Variants in ZNF536 observed in about 807,000 individuals in gnomAD.
ZNF536 encodes the protein zinc finger protein 536.
A neutral mutation model predicts 84.5 loss-of-function variants in ZNF536; 13 were observed. That is an observed-to-expected ratio of 0.15 (90% CI 0.10 to 0.24). The LOEUF is 0.24. Ranked by LOEUF, ZNF536 falls within the 10% of genes least tolerant of loss-of-function variation. The pLI, the probability that ZNF536 is intolerant of heterozygous loss-of-function variation, is 1.00. For synonymous variants in ZNF536, 811 were observed against 742.5 expected (o/e 1.09, Z -1.50); for missense variants, 1,536 against 1,747.5 (o/e 0.88, Z 2.16).
chr19:30,601,676 G>A (rs1017330868), intron 1 of ZNF536, among the ~76,000 whole-genome samples: 14 of 152,142 alleles, frequency 9.2e-5, no homozygotes, highest in African/African-American at 2.9e-4. Context: ...TGGGCAGCTC[G>A]TTCTCAGACC....
chr19:30,315,739 A>G (rs1306256076), intron 2 of ZNF536, among the ~76,000 whole-genome samples: 1 of 152,128 alleles, frequency 6.6e-6, no homozygotes, highest in East Asian at 1.9e-4. Flanking sequence ...AATTCCTATA[A>G]TGCATTTTGG....
chr19:30,582,718 G>A (rs750482483), intron 1 of ZNF536, among the ~76,000 whole-genome samples: 1 of 152,134 alleles, frequency 6.6e-6, no homozygotes, highest in East Asian at 1.9e-4. Context: ...AAGGTGAAAG[G>A]CACGTCTTAC....
chr19:30,284,889 T>A (rs575893405), intron 2 of ZNF536, among the ~76,000 whole-genome samples: 1 of 152,372 alleles, frequency 6.6e-6, no homozygotes, highest in African/African-American at 2.4e-5. Flanking sequence ...TTATTGTGAC[T>A]TTATCTTGCT....
chr19:30,445,509 C>T lies in ZNF536; in HGVS notation c.1947C>T (p.His649=), dbSNP rs1214538893. 1 of 1,614,042 alleles carries T rather than the reference C, an allele frequency of 6.2e-7. No homozygotes were observed. The highest frequency in any genetic ancestry group is 1.7e-5 in the Admixed American group (1 of 60,030). Residue 649 remains histidine, a synonymous_variant, in exon 2 of 5, where the codon CAC becomes CAT. Coordinates refer to ENST00000355537, the MANE Select transcript of ZNF536 (RefSeq NM_014717.3). The surrounding 1 kb of genome is among the most constrained non-coding windows in gnomAD (Gnocchi z 4.5). ...GCACTTACCACCAGGTGGTCGTGCA[C>T]TCCCGTGTCCACAAGCGGGACCGCA... ...VFRTYHQVVV[H]SRVHKRDRKG...
At chr19:30,563,979 AG>A (rs1473628084) in intron 1 of ZNF536, among the ~76,000 whole-genome samples, 1 of 152,172 alleles carries the variant, frequency 6.6e-6, no homozygotes, top group African/African-American at 2.4e-5. Context: ...GCCTAGCCCC[AG>A]GGGCCTGGGA....
At chr19:30,650,214 C>A (rs2049644815) in intron 1 of ZNF536, among the ~76,000 whole-genome samples, 1 of 152,208 alleles carries the variant, frequency 6.6e-6, no homozygotes, top group South Asian at 2.1e-4. Context: ...TGCGAAAATA[C>A]TTCAAAGGGA....
chr19:30,385,271 C>G (rs1308403563), intron 1 of ZNF536, among the ~76,000 whole-genome samples: 3 of 152,070 alleles, frequency 2.0e-5, no homozygotes, highest in Non-Finnish European at 4.4e-5. Context: ...TAGCAACCGC[C>G]CAGAGACTGA....
intron 1 of ZNF536, among the ~76,000 whole-genome samples, chr19:30,672,044 C>T (rs1156447805): frequency 1.3e-5 from 2 of 152,250 alleles, no homozygotes; most frequent in African/African-American, 4.8e-5. Flanking sequence ...TGGGGCCGTC[C>T]AGGCCTTCAC....
intron 1 of ZNF536, among the ~76,000 whole-genome samples, chr19:30,431,405 G>A (rs1439549584): frequency 1.3e-5 from 2 of 152,186 alleles, no homozygotes; most frequent in Non-Finnish European, 2.9e-5. Context: ...CAGGGGACCC[G>A]ATGGAGTGCC....
intron 1 of ZNF536, among the ~76,000 whole-genome samples, chr19:30,692,564 C>T (rs2051455563): frequency 6.6e-6 from 1 of 152,184 alleles, no homozygotes; most frequent in African/African-American, 2.4e-5. Context: ...TTCCTCTTTG[C>T]CTTTACTGTT....
chr19:30,560,669 T>C (rs1329917009), downstream of ZNF536, among the ~76,000 whole-genome samples: 3 of 152,218 alleles, frequency 2.0e-5, no homozygotes, highest in African/African-American at 4.8e-5. Flanking sequence ...GCAGAGTGCC[T>C]TGCAGTAAGA....
At chr19:30,293,017 A>AT (rs1192771914) in intron 2 of ZNF536, among the ~76,000 whole-genome samples, 1 of 152,172 alleles carries the variant, frequency 6.6e-6, no homozygotes, top group Non-Finnish European at 1.5e-5. Context: ...CTGTTGATTG[A>AT]TTCCTTCTCC....
At chr19:30,569,717 T>C (rs1340266558) in intron 1 of ZNF536, among the ~76,000 whole-genome samples, 1 of 151,752 alleles carries the variant, frequency 6.6e-6, no homozygotes, top group Admixed American at 6.6e-5. Flanking sequence ...ATTGCAGGCA[T>C]GCACCACCAC....
At chr19:30,679,661 A>T (rs2050890286) in intron 1 of ZNF536, among the ~76,000 whole-genome samples, 1 of 152,154 alleles carries the variant, frequency 6.6e-6, no homozygotes, top group Non-Finnish European at 1.5e-5. Flanking sequence ...ACCCAGCAGG[A>T]AGGTCAAAGG....
At chr19:30,481,339 A>C (rs753471507) in intron 2 of ZNF536, among the ~76,000 whole-genome samples, 3 of 152,192 alleles carry the variant, frequency 2.0e-5, no homozygotes, top group Non-Finnish European at 4.4e-5. Flanking sequence ...TGGGGGAGTC[A>C]CACTGGTTTT....
chr19:30,368,330 G>A (rs943512856), upstream of ZNF536, among the ~76,000 whole-genome samples: 2 of 152,196 alleles, frequency 1.3e-5, no homozygotes, highest in Admixed American at 1.3e-4. Context: ...TTCTCTGAAT[G>A]GTGCACACTA....
rs2052255102 is a variant in ZNF536 at position 30,445,068 on chromosome 19, C to T, written c.1506C>T (p.Cys502=). 6.2e-7 allele frequency: 1 copy of T among 1,613,668 alleles called. No homozygotes were observed. Among genetic ancestry groups the T allele is most frequent in the Non-Finnish European group, 8.5e-7 (1 of 1,180,050 alleles). ...LNLVPPLKSS[C]IERLQAAAKA... is the part of the protein sequence containing the mutation. ...TCGTGCCGCCGCTGAAATCCAGCTG[C>T]ATCGAGCGGCTGCAGGCGGCTGCCA... Residue 502 remains cysteine, a synonymous_variant, in exon 2 of 5, where the codon TGC becomes TGT. Transcript: ENST00000355537. The surrounding 1 kb of genome is among the most constrained non-coding windows in gnomAD (Gnocchi z 4.5).
intron 1 of ZNF536, among the ~76,000 whole-genome samples, chr19:30,680,412 C>T (rs1469391022): frequency 8.7e-6 from 1 of 115,000 alleles, no homozygotes; most frequent in South Asian, 3.5e-4. Flanking sequence ...CTCCCCCCAC[C>T]CCACAACAGT....
intron 1 of ZNF536, among the ~76,000 whole-genome samples, chr19:30,394,515 G>A (rs1184532492): frequency 3.3e-5 from 5 of 152,056 alleles, no homozygotes; most frequent in Non-Finnish European, 4.4e-5. Flanking sequence ...CATCTCTTAC[G>A]TCTGCTCGGC....
Sources: gnomAD v4.1 joint callset for allele counts (sites outside exome capture counted in the v4.1 genomes callset) on GRCh38, gnomAD v4.1.1 for gene constraint, Gnocchi (gnomAD v3.1) non-coding constraint, MANE v1.5 for transcripts, NCBI Gene and HGNC (gene_info 2026-07-23, HGNC 2026-07-21) for gene names.